The following POLK variants were observed in gnomAD, a reference collection of about 807,000 sequenced individuals.
POLK encodes DNA polymerase kappa, also known as polymerase (DNA directed) kappa.
In POLK, 76 loss-of-function variants were observed where a neutral mutation model predicts 94.0. The ratio of observed to expected loss-of-function variants is 0.81; its 90% confidence interval spans 0.67 to 0.98. The LOEUF is 0.98. Among genes scored for constraint, POLK ranks in the 50% least tolerant of loss-of-function variants. POLK has a pLI of 0.00. For missense variants in POLK, 954 were observed against 1,010.1 expected (o/e 0.94, Z 0.75); for synonymous variants, 349 against 325.4 (o/e 1.07, Z -0.78).
At chr5:75,548,954 G>GA (rs974201007) in intron 2 of POLK, among the ~76,000 whole-genome samples, 2 of 152,126 alleles carry the variant, frequency 1.3e-5, no homozygotes, top group African/African-American at 2.4e-5. Flanking sequence ...GATGAAGTGG[G>GA]AAAATGGCCT....
At position 75,584,935 on chromosome 5, in the gene POLK, A is replaced by G. The variant is rs765178758; in HGVS notation, c.1226+9A>G. The G allele has an allele frequency of 2.6e-6, 4 of 1,547,590 alleles. No individual in the cohort carries two copies. The highest frequency in any genetic ancestry group is 2.3e-5 in the South Asian group (2 of 85,336). On this transcript the variant is annotated intron_variant, in intron 9 of 14. Coordinates refer to ENST00000241436, the Ensembl canonical transcript of POLK. ...TCAACACACCTGACGAGGTATCTAT[A>G]TGTATTGTCATTCTGCTTTTTCTTC... is the stretch of plus-strand genomic sequence containing the variant.
At chr5:75,523,997 G>A (rs1339138935) in intron 1 of POLK, among the ~76,000 whole-genome samples, 7 of 152,070 alleles carry the variant, frequency 4.6e-5, no homozygotes, top group Admixed American at 3.3e-4. Context: ...AGATGTGCTG[G>A]CGGGCACCTG....
intron 11 of POLK, among the ~76,000 whole-genome samples, chr5:75,592,382 C>T (rs1168455975): frequency 6.6e-6 from 1 of 152,154 alleles, no homozygotes; most frequent in Non-Finnish European, 1.5e-5. Context: ...TAAAAGTGAT[C>T]ATTTAACCTT....
At chr5:75,540,306 C>T (rs1375095363) in intron 1 of POLK, among the ~76,000 whole-genome samples, 2 of 150,400 alleles carry the variant, frequency 1.3e-5, no homozygotes, top group African/African-American at 4.9e-5. Flanking sequence ...TTTAAAGACA[C>T]AGGCTTCATC....
chr5:75,604,270 T>C (rs921054750), downstream of POLK, among the ~76,000 whole-genome samples: 4 of 152,254 alleles, frequency 2.6e-5, no homozygotes, highest in South Asian at 8.3e-4. Flanking sequence ...TTGGAGTGGC[T>C]TGGGAGTATT....
intron 3 of POLK, among the ~76,000 whole-genome samples, chr5:75,557,820 C>G (rs555605794): frequency 6.6e-6 from 1 of 152,098 alleles, no homozygotes. Flanking sequence ...GACAGAGTCT[C>G]CCTCTGTCAC....
intron 11 of POLK, among the ~76,000 whole-genome samples, chr5:75,591,536 A>C (rs1772784090): frequency 1.3e-5 from 2 of 152,202 alleles, no homozygotes; most frequent in African/African-American, 2.4e-5. Flanking sequence ...ACCAGAGTAC[A>C]TTTGTCAAAA....
chr5:75,576,874 A>C, exon 6 of POLK: 1 of 1,568,190 alleles, frequency 6.4e-7, no homozygotes, highest in Non-Finnish European at 8.6e-7. Flanking sequence ...GAAGAAAGAC[A>C]AAATTGGCCT....
chr5:75,515,179 T>C (rs1422608375), intron 1 of POLK, among the ~76,000 whole-genome samples: 3 of 152,240 alleles, frequency 2.0e-5, no homozygotes, highest in Non-Finnish European at 4.4e-5. Flanking sequence ...GAAAAACGTA[T>C]TGATTTAACC....
At chr5:75,596,742 G>A (rs1421561557) in exon 13 of POLK, 2 of 1,613,310 alleles carry the variant, frequency 1.2e-6, no homozygotes, top group Admixed American at 1.7e-5. Flanking sequence ...TTTGTGAGAA[G>A]CAAGATTATG....
intron 4 of POLK, among the ~76,000 whole-genome samples, chr5:75,571,027 G>A (rs1561384176): frequency 1.3e-5 from 2 of 151,974 alleles, no homozygotes; most frequent in South Asian, 4.2e-4. Flanking sequence ...GTATGTTTAT[G>A]TATGTGTATA....
chr5:75,554,988 C>A (rs1163813238), intron 3 of POLK, among the ~76,000 whole-genome samples: 1 of 152,076 alleles, frequency 6.6e-6, no homozygotes, highest in Non-Finnish European at 1.5e-5. Context: ...ATAAAAAGAC[C>A]TTATTTTTCA....
Position 75,547,158 on chromosome 5 carries a change from G to T in POLK, c.135+1G>T. On this transcript the variant is annotated splice_donor_variant, in intron 2 of 14. Transcript: ENST00000241436. LOFTEE classifies it high-confidence loss of function. ...CAAAATTATAATGGAAGCCACGAAGGTATGTTTCTTGTTTCTTTTGATGTG... is the reference window on the plus strand; with the variant it reads ...CAAAATTATAATGGAAGCCACGAAGTTATGTTTCTTGTTTCTTTTGATGTG... The T allele has an allele frequency of 6.6e-7, 1 of 1,520,754 alleles. No individual in the cohort carries two copies. The highest frequency in any genetic ancestry group is 1.3e-5 in the South Asian group (1 of 79,004). 94.2% of individuals were successfully genotyped at this position (1,520,754 alleles called of 1,614,324 possible). A position where few individuals can be genotyped will look rare whatever the true frequency, so the allele number is the denominator to read the frequency against.
At chr5:75,554,020 T>C (rs924388223) in intron 3 of POLK, among the ~76,000 whole-genome samples, 7 of 152,176 alleles carry the variant, frequency 4.6e-5, no homozygotes, top group Non-Finnish European at 7.3e-5. Context: ...TTTCCATCCA[T>C]ATTCCATCTC....
chr5:75,531,683 C>T (rs1329469081), intron 1 of POLK, among the ~76,000 whole-genome samples: 1 of 151,978 alleles, frequency 6.6e-6, no homozygotes, highest in African/African-American at 2.4e-5. Context: ...ATCCCAGCTA[C>T]TTGGGAGGCC....
chr5:75,521,660 A>G (rs1019145514), intron 1 of POLK, among the ~76,000 whole-genome samples: 3 of 152,152 alleles, frequency 2.0e-5, no homozygotes, highest in Non-Finnish European at 2.9e-5. Flanking sequence ...ATGTACATCT[A>G]TGTCTTTGCA....
chr5:75,545,608 A>C (rs2112628276), intron 1 of POLK, among the ~76,000 whole-genome samples: 1 of 152,282 alleles, frequency 6.6e-6, no homozygotes, highest in East Asian at 1.9e-4. Context: ...GATATTAAAT[A>C]ATTATTATCT....
In POLK at chr5:75,597,554, C is replaced by T. The variant is rs1773158358; in HGVS notation, c.2486-193C>T. On this transcript the variant is annotated intron_variant, in intron 13 of 14. Coordinates refer to ENST00000241436, the Ensembl canonical transcript of POLK. Reference sequence around the variant, plus strand: ...AGTGCTGACTCTACCCAAATTTCACCAATAAAATTAAGTGTAATGCTAATA... The same window carrying T: ...AGTGCTGACTCTACCCAAATTTCACTAATAAAATTAAGTGTAATGCTAATA... The T allele has an allele frequency of 7.0e-6, 3 of 426,650 alleles. No individual in the cohort carries two copies. In the Admixed American group the frequency reaches 1.2e-4, roughly 17 times the overall value. The allele number at this position is 426,650 out of a possible 1,614,324, so 26.4% of individuals were successfully genotyped here. A position where few individuals can be genotyped will look rare whatever the true frequency, so the allele number is the denominator to read the frequency against.
chr5:75,545,511 A>G (rs1000275099), intron 1 of POLK, among the ~76,000 whole-genome samples: 4 of 152,164 alleles, frequency 2.6e-5, no homozygotes, highest in Non-Finnish European at 5.9e-5. Flanking sequence ...TTTTCTCCCT[A>G]ATATGAAAAT....
Sources: gnomAD v4.1 joint callset for allele counts (sites outside exome capture counted in the v4.1 genomes callset) on GRCh38, gnomAD v4.1.1 for gene constraint, MANE v1.5 for transcripts, NCBI Gene and HGNC (gene_info 2026-07-23, HGNC 2026-07-21) for gene names.